Variants in NPAS3 observed in about 807,000 individuals in gnomAD.
NPAS3 encodes the protein neuronal PAS domain protein 3, also known as neuronal PAS domain-containing protein 3.
In NPAS3, 14 loss-of-function variants were observed where a neutral mutation model predicts 73.1. The ratio of observed to expected loss-of-function variants is 0.19; its 90% CI spans 0.13 to 0.30. The LOEUF is 0.30. Ranked by LOEUF, NPAS3 falls within the 10% of genes least tolerant of loss-of-function variation. NPAS3 has a pLI of 1.00. For synonymous variants in NPAS3, 620 were observed against 541.5 expected (o/e 1.14, Z -2.01); for missense variants, 1,096 against 1,250.0 (o/e 0.88, Z 1.86).
intron 1 of NPAS3, among the ~76,000 whole-genome samples, chr14:32,943,395 A>G (rs1262701357): frequency 6.6e-6 from 1 of 152,134 alleles, no homozygotes; most frequent in Non-Finnish European, 1.5e-5. Context: ...CTTCCCCTGT[A>G]ATTCTTCTAC....
intron 3 of NPAS3, among the ~76,000 whole-genome samples, chr14:33,356,897 C>T (rs117518008): frequency 0.02 from 3,097 of 152,262 alleles, 48 homozygotes; most frequent in Middle Eastern, 0.037. Flanking sequence ...GTTTTTTCCT[C>T]AATTCATTGT....
intron 3 of NPAS3, among the ~76,000 whole-genome samples, chr14:33,363,616 G>A (rs1032480200): frequency 1.3e-5 from 2 of 152,116 alleles, no homozygotes; most frequent in African/African-American, 2.4e-5. Context: ...TAGAGTTGTG[G>A]TGTGTGTTGA....
At chr14:33,667,337 G>T (rs1228934946) in intron 5 of NPAS3, among the ~76,000 whole-genome samples, 1 of 152,172 alleles carries the variant, frequency 6.6e-6, no homozygotes, top group Non-Finnish European at 1.5e-5. Context: ...GATTACATGT[G>T]TGTGATTACA....
intron 3 of NPAS3, among the ~76,000 whole-genome samples, chr14:33,352,668 T>C (rs931544963): frequency 6.6e-6 from 1 of 152,226 alleles, no homozygotes; most frequent in African/African-American, 2.4e-5. Flanking sequence ...TTTTTAAGTG[T>C]TCCTGAATAC....
At chr14:33,507,823 C>T (rs1288752210) in intron 4 of NPAS3, among the ~76,000 whole-genome samples, 2 of 151,994 alleles carry the variant, frequency 1.3e-5, no homozygotes, top group African/African-American at 4.8e-5. Context: ...TGTTTTTGTA[C>T]TTTCTCTTTG....
intron 9 of NPAS3, among the ~76,000 whole-genome samples, chr14:33,789,694 T>A (rs1013819079): frequency 1.4e-5 from 2 of 144,622 alleles, no homozygotes; most frequent in Non-Finnish European, 3.0e-5. Flanking sequence ...GTTCACGCCA[T>A]TCTCCTGCCT....
intron 4 of NPAS3, among the ~76,000 whole-genome samples, chr14:33,437,856 G>A (rs982797583): frequency 2.0e-5 from 3 of 152,150 alleles, no homozygotes; most frequent in Middle Eastern, 3.2e-3. Context: ...AGGACCAGGA[G>A]AATTTGCCAG....
intron 4 of NPAS3, among the ~76,000 whole-genome samples, chr14:33,445,223 A>G (rs1444534324): frequency 6.6e-6 from 1 of 152,162 alleles, no homozygotes; most frequent in East Asian, 1.9e-4. Flanking sequence ...CCTTTGTGTT[A>G]AAAAAATTTC....
chr14:33,714,041 C>T lies in NPAS3; in HGVS notation c.734-21173C>T, dbSNP rs534604117. ...CTTCCTTCAAGTCTGTAATCAGATG[C>T]CCCCTTCTCAGTGAGGTCTTCTCTG... On this transcript the variant is annotated intron_variant, in intron 6 of 11. Coordinates refer to ENST00000356141, the Ensembl canonical transcript of NPAS3. Among the ~76,000 whole-genome samples the T allele has an allele frequency of 5.8e-4, 88 of 152,136 alleles. 1 individual carries two copies. Among genetic ancestry groups the T allele is most frequent in the Middle Eastern group, 3.4e-3 (1 of 292 alleles).
intron 1 of NPAS3, among the ~76,000 whole-genome samples, chr14:32,985,397 G>GGTC (rs1418424949): frequency 3.3e-5 from 5 of 152,110 alleles, no homozygotes; most frequent in Non-Finnish European, 7.4e-5. Context: ...AACACAGGGA[G>GGTC]GGGACCTTTG....
intron 2 of NPAS3, among the ~76,000 whole-genome samples, chr14:33,132,865 G>A (rs1747089199): frequency 6.6e-6 from 1 of 152,090 alleles, no homozygotes; most frequent in African/African-American, 2.4e-5. Flanking sequence ...CATTTTATTA[G>A]ATACTTCTTG....
chr14:33,313,153 G>C (rs1015774081), intron 3 of NPAS3, among the ~76,000 whole-genome samples: 11 of 151,998 alleles, frequency 7.2e-5, no homozygotes, highest in African/African-American at 2.7e-4. Flanking sequence ...AATGCATGGA[G>C]ATCAGATTAA....
Position 33,292,681 on chromosome 14 carries a change from A to G in NPAS3, c.386-74505A>G, listed in dbSNP as rs2042148461. ...CGACTTACCCAAAAACATAAACAAAAACAGATAAAGTAGAACTTCTTTAGT... is the reference window on the plus strand; with the variant it reads ...CGACTTACCCAAAAACATAAACAAAGACAGATAAAGTAGAACTTCTTTAGT... On this transcript the variant is annotated intron_variant, in intron 3 of 11. Transcript: ENST00000356141. Among the ~76,000 whole-genome samples, 3 of 152,284 alleles carry G rather than the reference A, an allele frequency of 2.0e-5. No individual in the cohort carries two copies. The South Asian group carries it at 6.2e-4, about 32-fold the overall frequency.
intron 2 of NPAS3, among the ~76,000 whole-genome samples, chr14:33,137,181 TAAG>T (rs900705858): frequency 1.3e-5 from 2 of 152,208 alleles, no homozygotes; most frequent in Admixed American, 1.3e-4. Flanking sequence ...GTGACTGAAA[TAAG>T]AAACATAATT....
intron 2 of NPAS3, among the ~76,000 whole-genome samples, chr14:33,158,503 A>G (rs2044729702): frequency 6.6e-6 from 1 of 152,228 alleles, no homozygotes; most frequent in Non-Finnish European, 1.5e-5. Context: ...GTAAACAGTC[A>G]TAAAAACCTA....
intron 4 of NPAS3, among the ~76,000 whole-genome samples, chr14:33,510,474 C>T (rs964314433): frequency 6.6e-6 from 1 of 151,966 alleles, no homozygotes; most frequent in African/African-American, 2.4e-5. Flanking sequence ...GGGGGACTGG[C>T]CTTGCCTAGG....
intron 4 of NPAS3, among the ~76,000 whole-genome samples, chr14:33,498,935 AGTGTGTGTGTGTGTGTGTGTGTGTGTGT>A (rs3058422): frequency 8.4e-5 from 8 of 94,902 alleles, no homozygotes; most frequent in East Asian, 3.4e-4. Flanking sequence ...ACAGAGAGAG[AGTGTGTGTGTGTGTGTGTGTGTGTGTGT>A]GTGTGTGTGT....
At chr14:33,361,642 T>A (rs1023818890) in intron 3 of NPAS3, among the ~76,000 whole-genome samples, 2 of 152,218 alleles carry the variant, frequency 1.3e-5, no homozygotes, top group Non-Finnish European at 2.9e-5. Context: ...TCAAAAAATT[T>A]TGGATCATCG....
At chr14:33,674,672 G>GTGA (rs1372618904) in intron 5 of NPAS3, among the ~76,000 whole-genome samples, 1 of 152,208 alleles carries the variant, frequency 6.6e-6, no homozygotes, top group African/African-American at 2.4e-5. Flanking sequence ...CAGTGGTTGG[G>GTGA]TGATACAGGA....
Sources: allele counts gnomAD v4.1 joint callset (sites outside exome capture counted in the v4.1 genomes callset), GRCh38; gene constraint gnomAD v4.1.1; transcripts MANE v1.5; gene names NCBI Gene and HGNC (gene_info 2026-07-23, HGNC 2026-07-21).